Variants in ROBO1 observed in about 807,000 individuals in gnomAD.
ROBO1 encodes the protein roundabout guidance receptor 1, also known as roundabout homolog 1.
Under a neutral mutation model 195.9 loss-of-function variants are expected in ROBO1, and 149 were observed. That is an observed-to-expected ratio of 0.76 (90% CI 0.67 to 0.87). The LOEUF is 0.87. Among genes scored for constraint, ROBO1 ranks in the 40% least tolerant of loss-of-function variants. The pLI, the probability that ROBO1 is intolerant of heterozygous loss-of-function variation, is 0.00. For missense variants in ROBO1, 1,933 were observed against 2,068.3 expected (o/e 0.93, Z 1.27); for synonymous variants, 816 against 733.2 (o/e 1.11, Z -1.82).
At chr3:78,642,703 A>G (rs1706041366) in intron 21 of ROBO1, among the ~76,000 whole-genome samples, 1 of 152,206 alleles carries the variant, frequency 6.6e-6, no homozygotes, top group African/African-American at 2.4e-5. Flanking sequence ...ACGGCTACTT[A>G]ATATTTCCAT....
chr3:79,573,618 A>T (rs1943351433), intron 2 of ROBO1, among the ~76,000 whole-genome samples: 1 of 152,196 alleles, frequency 6.6e-6, no homozygotes, highest in African/African-American at 2.4e-5. Context: ...TCTTTAATTA[A>T]ATATAAATGT....
At chr3:78,974,896 T>G (rs1385722133) in intron 3 of ROBO1, among the ~76,000 whole-genome samples, 1 of 152,200 alleles carries the variant, frequency 6.6e-6, no homozygotes, top group Non-Finnish European at 1.5e-5. Context: ...ATTTAATTTT[T>G]GGTTGCTCAA....
intron 10 of ROBO1, among the ~76,000 whole-genome samples, chr3:78,679,426 C>T (rs2080831583): frequency 6.6e-6 from 1 of 152,150 alleles, no homozygotes; most frequent in African/African-American, 2.4e-5. Context: ...TCTACAAAAA[C>T]CCCATTGTCT....
chr3:78,771,774 C>T (rs556733700), intron 4 of ROBO1, among the ~76,000 whole-genome samples: 8 of 152,114 alleles, frequency 5.3e-5, no homozygotes, highest in African/African-American at 1.9e-4. Context: ...TTATCAGTTC[C>T]AGGAGTCTTT....
chr3:79,448,274 A>T (rs9309822), intron 2 of ROBO1, among the ~76,000 whole-genome samples: 98,539 of 152,018 alleles, frequency 0.65, 32,930 homozygotes, highest in African/African-American at 0.82. Context: ...AAGATTCAAA[A>T]GTATTCCAAT....
At chr3:79,019,047 G>C (rs2078035310) in intron 3 of ROBO1, 1 of 989,246 alleles carries the variant, frequency 1.0e-6, no homozygotes, top group Non-Finnish European at 1.2e-6. Context: ...CGCAGAGAGC[G>C]AGCGAGGGGG....
chr3:78,786,508 C>T lies in ROBO1; in HGVS notation c.500-39608G>A, dbSNP rs893347571. Among the ~76,000 whole-genome samples the T allele has an allele frequency of 4.6e-5, 7 of 152,244 alleles. No individual in the cohort carries two copies. In the South Asian group the frequency reaches 1.5e-3, roughly 32 times the overall value. ...AGTATTATCATTTGATATGGTTTTG[C>T]TGTGTCCCCACCCCAATCTCATCTT... is the stretch of plus-strand genomic sequence containing the variant. On this transcript the variant is annotated intron_variant, in intron 4 of 30. Transcript: ENST00000464233.
chr3:79,481,039 G>A (rs1938824713), intron 2 of ROBO1, among the ~76,000 whole-genome samples: 1 of 151,818 alleles, frequency 6.6e-6, no homozygotes, highest in Non-Finnish European at 1.5e-5. Context: ...CCTTTTATTG[G>A]TAATGCAGTT....
chr3:78,939,722 T>TA (rs200023930), intron 3 of ROBO1, among the ~76,000 whole-genome samples: 6,002 of 151,068 alleles, frequency 0.04, 349 homozygotes, highest in African/African-American at 0.13. Context: ...TCTTCCTAAA[T>TA]AAAAAAAAGT....
chr3:79,765,149 T>C (rs1704916176), intron 1 of ROBO1, among the ~76,000 whole-genome samples: 1 of 152,206 alleles, frequency 6.6e-6, no homozygotes, highest in Non-Finnish European at 1.5e-5. Flanking sequence ...AGCTGTGTCA[T>C]TGTGCTTCAA....
chr3:79,263,571 G>C (rs1387771788), intron 2 of ROBO1, among the ~76,000 whole-genome samples: 2 of 152,024 alleles, frequency 1.3e-5, no homozygotes, highest in East Asian at 3.9e-4. Flanking sequence ...TTGAGCCCAG[G>C]AGTTTAAGGC....
chr3:79,135,437 A>T (rs1196397959), intron 2 of ROBO1, among the ~76,000 whole-genome samples: 1 of 152,150 alleles, frequency 6.6e-6, no homozygotes, highest in East Asian at 1.9e-4. Context: ...TGAAAAAAAA[A>T]TTGTTGATTG....
Position 79,665,104 on chromosome 3 carries a change from C to T in ROBO1, c.-50-75143G>A, listed in dbSNP as rs935364205. Among the ~76,000 whole-genome samples, 17 of 151,684 alleles carry T rather than the reference C, an allele frequency of 1.1e-4. 1 individual carries two copies. In the East Asian group the frequency reaches 1.7e-3, roughly 16 times the overall value. On this transcript the variant is annotated intron_variant, in intron 1 of 30. Transcript: ENST00000464233. Reference sequence around the variant, plus strand: ...TAGAGATATAATTTAAAAATATTTGCGGAAAATATTTTGCATATGGTTTAA... The same window carrying T: ...TAGAGATATAATTTAAAAATATTTGTGGAAAATATTTTGCATATGGTTTAA...
At chr3:78,660,958 T>A in intron 16 of ROBO1, 72 bp downstream of exon 16, 1 of 1,022,968 alleles carries the variant, frequency 9.8e-7, no homozygotes, top group Admixed American at 2.6e-5. Context: ...ATTATAACAA[T>A]TTAAATTAAG....
intron 2 of ROBO1, among the ~76,000 whole-genome samples, chr3:79,150,012 G>A (rs2080735209): frequency 6.6e-6 from 1 of 151,826 alleles, no homozygotes; most frequent in South Asian, 2.1e-4. Flanking sequence ...AAAGGTGAAG[G>A]TCCGTTATCA....
chr3:79,417,352 A>C (rs2038047718), intron 2 of ROBO1, among the ~76,000 whole-genome samples: 1 of 152,118 alleles, frequency 6.6e-6, no homozygotes, highest in Non-Finnish European at 1.5e-5. Context: ...AAGGGAACTG[A>C]TGTTTGCTAA....
At chr3:79,229,333 A>C (rs901860839) in intron 2 of ROBO1, among the ~76,000 whole-genome samples, 5 of 152,174 alleles carry the variant, frequency 3.3e-5, no homozygotes, top group Non-Finnish European at 5.9e-5. Context: ...CATCAGTCAT[A>C]TGAATGACAT....
chr3:78,760,913 C>CT (rs915751794), intron 4 of ROBO1, among the ~76,000 whole-genome samples: 1 of 151,184 alleles, frequency 6.6e-6, no homozygotes, highest in Middle Eastern at 3.4e-3. Flanking sequence ...TATGTGTTTT[C>CT]TTTTTTTTTC....
chr3:79,045,265 GATA>G lies in ROBO1; in HGVS notation c.172+80188_172+80190del, dbSNP rs747171835. On this transcript the variant is annotated intron_variant, in intron 3 of 30. Transcript: ENST00000464233. ...ATTTTTAGATTCTCCTAATTTTCAT[GATA>G]ATAATGATAAAAATGCGAATGTATT... is the stretch of plus-strand genomic sequence containing the variant. Among the ~76,000 whole-genome samples the G allele has an allele frequency of 4.6e-5, 7 of 152,104 alleles. No individual in the cohort carries two copies. In the East Asian group the frequency reaches 9.7e-4, roughly 21 times the overall value.
Sources: gnomAD v4.1 joint callset for allele counts (sites outside exome capture counted in the v4.1 genomes callset) on GRCh38, gnomAD v4.1.1 for gene constraint, MANE v1.5 for transcripts, NCBI Gene and HGNC (gene_info 2026-07-23, HGNC 2026-07-21) for gene names.